CARMIL1: variants seen among roughly 807,000 people sequenced by gnomAD.
The protein encoded by CARMIL1 is capping protein regulator and myosin 1 linker 1, also known as F-actin-uncapping protein LRRC16A.
A neutral mutation model predicts 177.1 loss-of-function variants in CARMIL1; 90 were observed. That is an observed-to-expected ratio of 0.51 (90% CI 0.43 to 0.61). The LOEUF is 0.61. CARMIL1 is among the 20% of genes least tolerant of loss of function. CARMIL1 has a pLI of 0.00. For missense variants in CARMIL1, 1,380 were observed against 1,667.0 expected (o/e 0.83, Z 3.00); for synonymous variants, 577 against 606.2 (o/e 0.95, Z 0.71).
At chr6:25,482,418 T>C (rs767685478) in intron 12 of CARMIL1, 75 bp downstream of exon 12, 2 of 641,518 alleles carry the variant, frequency 3.1e-6, no homozygotes, top group Non-Finnish European at 5.3e-6. Context: ...TTAGAATTAT[T>C]TGTTACATTT....
chr6:25,310,366 A>G (rs1258795379), intron 2 of CARMIL1, among the ~76,000 whole-genome samples: 3 of 152,258 alleles, frequency 2.0e-5, no homozygotes, highest in Non-Finnish European at 4.4e-5. Flanking sequence ...TAGGTTGAAT[A>G]GAAAAGTTTT....
chr6:25,475,003 T>C (rs917287175), intron 11 of CARMIL1, among the ~76,000 whole-genome samples: 2 of 152,188 alleles, frequency 1.3e-5, no homozygotes, highest in Non-Finnish European at 2.9e-5. Flanking sequence ...AGTGTGGCAA[T>C]AATCAAAATA....
At chr6:25,465,193 A>G (rs1800493467) in intron 8 of CARMIL1, among the ~76,000 whole-genome samples, 1 of 152,006 alleles carries the variant, frequency 6.6e-6, no homozygotes. Flanking sequence ...AACTCCTCTG[A>G]CTAGAGAATA....
chr6:25,498,321 C>T (rs1247654255), intron 16 of CARMIL1, among the ~76,000 whole-genome samples: 1 of 152,160 alleles, frequency 6.6e-6, no homozygotes, highest in Non-Finnish European at 1.5e-5. Context: ...GTTGTTAAGG[C>T]AATTTTGCCA....
intron 1 of CARMIL1, among the ~76,000 whole-genome samples, chr6:25,282,064 G>A (rs1486578387): frequency 2.8e-5 from 4 of 142,788 alleles, no homozygotes; most frequent in Non-Finnish European, 6.0e-5. Flanking sequence ...GCCGTAAGCC[G>A]AGATCAAGCC....
At position 25,380,629 on chromosome 6, in the gene CARMIL1, A is replaced by G. The variant is rs545933739; in HGVS notation, c.139-39485A>G. Among the ~76,000 whole-genome samples the G allele has an allele frequency of 3.3e-5, 5 of 152,362 alleles. No homozygotes were observed. The South Asian group carries it at 1.0e-3, about 32-fold the overall frequency. On this transcript the variant is annotated intron_variant, in intron 2 of 36. Transcript: ENST00000329474. The stretch of plus-strand genomic sequence containing the variant: ...TTGTTTGAATTAGATTTCATGTTTG[A>G]TATGAATTTGTAAATAAATCCCAAA...
At chr6:25,516,215 C>T (rs778096829) in intron 21 of CARMIL1, among the ~76,000 whole-genome samples, 3 of 152,146 alleles carry the variant, frequency 2.0e-5, no homozygotes, top group Non-Finnish European at 2.9e-5. Flanking sequence ...TCTGTGAGCC[C>T]AAGGTCTTAA....
At chr6:25,467,683 A>G (rs1192620542) in intron 9 of CARMIL1, among the ~76,000 whole-genome samples, 2 of 152,184 alleles carry the variant, frequency 1.3e-5, no homozygotes, top group African/African-American at 4.8e-5. Context: ...AAGTGCTAGT[A>G]TGCTTTCTTG....
intron 15 of CARMIL1, among the ~76,000 whole-genome samples, chr6:25,493,417 G>A (rs1803413002): frequency 6.6e-6 from 1 of 152,160 alleles, no homozygotes. Context: ...TTTCATTAGT[G>A]TATCCATCAG....
chr6:25,332,595 A>C (rs368988321), intron 2 of CARMIL1, among the ~76,000 whole-genome samples: 3 of 152,262 alleles, frequency 2.0e-5, no homozygotes, highest in East Asian at 1.9e-4. Context: ...ATGTTGAGGA[A>C]GAAGGGAAGG....
chr6:25,295,592 A>G (rs1452755922), intron 2 of CARMIL1, among the ~76,000 whole-genome samples: 1 of 152,216 alleles, frequency 6.6e-6, no homozygotes, highest in East Asian at 1.9e-4. Flanking sequence ...GTCTTAAACA[A>G]GAGTCTACTT....
intron 2 of CARMIL1, among the ~76,000 whole-genome samples, chr6:25,357,213 T>A (rs1788716956): frequency 6.6e-6 from 1 of 152,160 alleles, no homozygotes; most frequent in African/African-American, 2.4e-5. Flanking sequence ...TAGATGGTTG[T>A]TGTCAGGTTC....
intron 2 of CARMIL1, among the ~76,000 whole-genome samples, chr6:25,338,149 C>T (rs915374054): frequency 1.1e-4 from 17 of 152,010 alleles, no homozygotes; most frequent in South Asian, 2.1e-4. Flanking sequence ...CCCAGCTACT[C>T]GAGAGGCTGA....
chr6:25,579,581 T>G (rs1277623762), intron 29 of CARMIL1, among the ~76,000 whole-genome samples: 1 of 152,238 alleles, frequency 6.6e-6, no homozygotes, highest in East Asian at 1.9e-4. Context: ...CCTTTCCATT[T>G]GCATTGAGTT....
intron 2 of CARMIL1, among the ~76,000 whole-genome samples, chr6:25,301,945 C>T (rs1177711748): frequency 1.3e-5 from 2 of 151,952 alleles, no homozygotes; most frequent in Non-Finnish European, 2.9e-5. Context: ...GTTGCTTTGC[C>T]TCCAATAACA....
chr6:25,393,108 G>C (rs1356522609), intron 2 of CARMIL1, among the ~76,000 whole-genome samples: 1 of 151,814 alleles, frequency 6.6e-6, no homozygotes, highest in Non-Finnish European at 1.5e-5. Context: ...ACTCTGTTCA[G>C]ATCTCCACAA....
intron 31 of CARMIL1, 29 bp from the exon 32 acceptor site, chr6:25,594,386 A>C (rs756210233): frequency 6.2e-5 from 85 of 1,379,890 alleles, no homozygotes; most frequent in Non-Finnish European, 8.2e-5. Flanking sequence ...GGTGCATGTG[A>C]ATTAACATTA....
In CARMIL1 at chr6:25,586,508, C is replaced by G. The variant is rs551660234; in HGVS notation, c.3006+5069C>G. 2.9e-5 allele frequency among the ~76,000 whole-genome samples: 4 copies of G among 135,956 alleles called. No homozygotes were observed. In the East Asian group the frequency reaches 7.0e-4, roughly 24 times the overall value. 89.2% of individuals were successfully genotyped at this position (135,956 alleles called of 152,430 possible). Reference sequence around the variant, plus strand: ...GCAGAGGGGCTCCTCACATCCCAGACGATGGGCGGCCAGGCAGAGACGCTC... The same window carrying G: ...GCAGAGGGGCTCCTCACATCCCAGAGGATGGGCGGCCAGGCAGAGACGCTC... On this transcript the variant is annotated intron_variant, in intron 31 of 36. Transcript: ENST00000329474.
intron 29 of CARMIL1, among the ~76,000 whole-genome samples, chr6:25,559,934 A>G (rs896264936): frequency 2.2e-4 from 34 of 152,198 alleles, no homozygotes; most frequent in African/African-American, 6.0e-4. Flanking sequence ...ACCAACAGTT[A>G]TAATTGCACT....
Sources: allele counts gnomAD v4.1 joint callset (sites outside exome capture counted in the v4.1 genomes callset), GRCh38; gene constraint gnomAD v4.1.1; transcripts MANE v1.5; gene names NCBI Gene and HGNC (gene_info 2026-07-23, HGNC 2026-07-21).